Variants in RELN observed in about 807,000 individuals in gnomAD.
RELN encodes the protein reelin.
RELN carries 108 observed loss-of-function variants against 427.6 expected under a neutral mutation model. That is an observed-to-expected ratio of 0.25 (90% CI 0.22 to 0.30). RELN has a LOEUF of 0.30. RELN is among the 10% of genes least tolerant of loss of function. The probability of loss-of-function intolerance (pLI) is 1.00; values close to 1 mark genes in which losing one functional copy is unlikely to be tolerated. For missense variants in RELN, 3,715 were observed against 4,302.8 expected, an observed-to-expected ratio of 0.86 and a Z score of 3.82; for synonymous variants, 1,524 against 1,513.4, an observed-to-expected ratio of 1.01 and a Z score of -0.16.
chr7:103,498,217 G>T lies in RELN; in HGVS notation c.8703C>A (p.Ile2901=), dbSNP rs367803009. Residue 2901 remains isoleucine (I), a synonymous_variant, in exon 54 of 65, where the codon ATC becomes ATA. Coordinates refer to ENST00000428762, the MANE Select transcript of RELN (RefSeq NM_005045.4). The part of the protein sequence containing the change: ...FLKERFDSEE[I]KPDLWMSLEG... ...CTAAGGACATCCATAAGTCAGGTTT[G>T]ATTTCTTCACTGTCAAAGCGTTCCT... 2.0e-5 allele frequency: 32 copies of T among 1,613,802 alleles called. No individual in the cohort carries two copies. The highest frequency in any genetic ancestry group is 6.7e-5 in the Admixed American group (4 of 59,970).
chr7:103,743,316 T>C, intron 6 of RELN, among the ~76,000 whole-genome samples: 1 of 152,066 alleles, frequency 6.6e-6, no homozygotes, highest in East Asian at 1.9e-4. Flanking sequence ...ACATGCCAAA[T>C]TGTAAAGAAC....
At chr7:103,937,270 T>C (rs987552540) in intron 1 of RELN, among the ~76,000 whole-genome samples, 1 of 152,262 alleles carries the variant, frequency 6.6e-6, no homozygotes, top group Non-Finnish European at 1.5e-5. Context: ...AAGATCAATT[T>C]ATCTTTAAAA....
chr7:103,986,556 G>C (rs902271737), intron 1 of RELN, among the ~76,000 whole-genome samples: 1 of 147,866 alleles, frequency 6.8e-6, no homozygotes, highest in South Asian at 2.1e-4. Context: ...GAGGGCAGCT[G>C]ACTGATCTAC....
At position 103,789,662 on chromosome 7, in the gene RELN, T is replaced by A. The variant is rs182334744; in HGVS notation, c.474-13035A>T. On this transcript the variant is annotated intron_variant, in intron 3 of 64. Coordinates refer to ENST00000428762, the MANE Select transcript of RELN (RefSeq NM_005045.4). ...CATCTCACACCAGTTAGAATGGCAA[T>A]CATTAAAAAGTCAGGAAACAACAGA... Among the ~76,000 whole-genome samples the A allele has an allele frequency of 1.4e-3, 207 of 152,202 alleles. 1 individual carries two copies. Among genetic ancestry groups the A allele is most frequent in the African/African-American group, 4.8e-3 (200 of 41,522 alleles).
chr7:103,929,532 A>G (rs1189067796), intron 1 of RELN, among the ~76,000 whole-genome samples: 1 of 152,176 alleles, frequency 6.6e-6, no homozygotes, highest in African/African-American at 2.4e-5. Context: ...GATCATACAT[A>G]GTTTTATGTG....
intron 1 of RELN, among the ~76,000 whole-genome samples, chr7:103,930,112 T>C (rs1795828194): frequency 6.6e-6 from 1 of 152,128 alleles, no homozygotes; most frequent in Non-Finnish European, 1.5e-5. Context: ...ACAACAGACA[T>C]TTATTTTTCC....
At chr7:103,838,479 T>C (rs1793469046) in intron 2 of RELN, among the ~76,000 whole-genome samples, 1 of 152,138 alleles carries the variant, frequency 6.6e-6, no homozygotes, top group African/African-American at 2.4e-5. Context: ...AGCTGAATAC[T>C]GAGACAAAAA....
chr7:103,891,866 T>C (rs779719915), intron 2 of RELN, among the ~76,000 whole-genome samples: 1 of 152,176 alleles, frequency 6.6e-6, no homozygotes, highest in Non-Finnish European at 1.5e-5. Flanking sequence ...TCATATCCAA[T>C]GCACTCTGGA....
rs1201040144 is a variant in RELN, at chr7:103,769,314, A to C, written c.544+7243T>G. ...GTGAATGGGATTAAGGTCCTTATTA[A>C]GGAGGTTTCACACTCAGCTGGCTTG... On this transcript the variant is annotated intron_variant, in intron 4 of 64. Coordinates refer to ENST00000428762, the MANE Select transcript of RELN (RefSeq NM_005045.4). Among the ~76,000 whole-genome samples the C allele has an allele frequency of 3.9e-5, 6 of 152,144 alleles. No individual in the cohort carries two copies. The East Asian group carries it at 5.8e-4, about 15-fold the overall frequency.
chr7:103,600,050 C>T (rs569550696), intron 24 of RELN, among the ~76,000 whole-genome samples: 35 of 120,400 alleles, frequency 2.9e-4, no homozygotes, highest in African/African-American at 1.0e-3. Flanking sequence ...GCATGCCCCA[C>T]TATGCCCAGC....
intron 2 of RELN, among the ~76,000 whole-genome samples, chr7:103,870,124 T>C (rs1181805929): frequency 6.6e-6 from 1 of 152,106 alleles, no homozygotes; most frequent in Non-Finnish European, 1.5e-5. Flanking sequence ...ATTCTCTATA[T>C]ATGCTAAACT....
At chr7:103,564,057 A>G (rs1830693463) in intron 34 of RELN, among the ~76,000 whole-genome samples, 2 of 152,232 alleles carry the variant, frequency 1.3e-5, no homozygotes, top group African/African-American at 2.4e-5. Context: ...ACACATTTGG[A>G]TCCTGGCATC....
intron 1 of RELN, among the ~76,000 whole-genome samples, chr7:103,926,658 T>TTC: frequency 1.1e-5 from 1 of 94,586 alleles, no homozygotes; most frequent in South Asian, 3.8e-4. Context: ...TTTTTTTTTT[T>TTC]TTTTGAGACG....
intron 2 of RELN, among the ~76,000 whole-genome samples, chr7:103,913,487 C>G (rs1305042050): frequency 2.0e-5 from 3 of 152,114 alleles, no homozygotes; most frequent in Non-Finnish European, 4.4e-5. Context: ...TATTCAATAA[C>G]TCTTTTGTTC....
In RELN at chr7:103,652,671, T is replaced by C. The variant is rs766595317; in HGVS notation, c.1643A>G (p.His548Arg). The C allele has an allele frequency of 1.2e-6, 2 of 1,613,022 alleles. No homozygotes were observed. Among genetic ancestry groups the C allele is most frequent in the Non-Finnish European group, 1.7e-6 (2 of 1,179,314 alleles). Reference sequence around the variant, plus strand: ...GTCTACAGCCCAGACATTCCTATTATGTCCTTGATGGTTCTTTTGCCTGAG... The same window carrying C: ...GTCTACAGCCCAGACATTCCTATTACGTCCTTGATGGTTCTTTTGCCTGAG... ...FCLRQKNHQG[H>R]NRNVWAVDFF... The change falls in exon 14 of 65, where the codon CAT becomes CGT. Residue 548 changes from histidine to arginine, a missense_variant. Transcript: ENST00000428762.
rs1830651861 is a variant in RELN, at chr7:103,561,947, G to A, written c.5217C>T (p.Pro1739=). 7 of 1,576,166 alleles carry A rather than the reference G, an allele frequency of 4.4e-6. No homozygotes were observed. Among genetic ancestry groups the A allele is most frequent in the Non-Finnish European group, 6.0e-6 (7 of 1,162,910 alleles). ...TVYLPLSTIS[P]RTRFRWIQAN... Reference sequence around the variant, plus strand: ...CCTGAATCCATCTGAACCGGGTCCTGGGAGAACTAACCAAAAAAAAAAAAA... The same window carrying A: ...CCTGAATCCATCTGAACCGGGTCCTAGGAGAACTAACCAAAAAAAAAAAAA... The change falls in exon 35 of 65, where the codon CCC becomes CCT. Residue 1739 remains proline (P), a synonymous_variant. Transcript: ENST00000428762.
Position 103,608,262 on chromosome 7 carries a change from G to A in RELN, c.3008+2433C>T, listed in dbSNP as rs1325846501. On this transcript the variant is annotated intron_variant, in intron 22 of 64. Transcript: ENST00000428762. Reference sequence around the variant, plus strand: ...AAATATACTTTATTTTTATGGCAGAGCTTTTAAGCATTATAGATCCAAAAA... The same window carrying A: ...AAATATACTTTATTTTTATGGCAGAACTTTTAAGCATTATAGATCCAAAAA... Among the ~76,000 whole-genome samples the A allele has an allele frequency of 2.6e-5, 4 of 152,074 alleles. No homozygotes were observed. The South Asian group carries it at 8.3e-4, about 32-fold the overall frequency.
chr7:103,798,053 T>C (rs1792352700), intron 3 of RELN, among the ~76,000 whole-genome samples: 1 of 152,230 alleles, frequency 6.6e-6, no homozygotes. Context: ...TTCTTTAGGC[T>C]TTCCCTGCTC....
At chr7:103,980,019 G>A (rs1413926906) in intron 1 of RELN, among the ~76,000 whole-genome samples, 1 of 151,978 alleles carries the variant, frequency 6.6e-6, no homozygotes, top group African/African-American at 2.4e-5. Context: ...AAATTAGCTG[G>A]GTGTGGTGGC....
Sources: gnomAD v4.1 joint callset for allele counts (sites outside exome capture counted in the v4.1 genomes callset) on GRCh38, gnomAD v4.1.1 for gene constraint, MANE v1.5 for transcripts, NCBI Gene and HGNC (gene_info 2026-07-23, HGNC 2026-07-21) for gene names.